POC1A: variants seen among roughly 807,000 people sequenced by gnomAD.
POC1A encodes the protein POC1 centriolar protein A, also known as POC1 centriolar protein homolog A.
POC1A carries 34 observed loss-of-function variants against 47.8 expected under a neutral mutation model. The ratio of observed to expected loss-of-function variants is 0.71; its 90% CI spans 0.54 to 0.95. The LOEUF is 0.95. Ranked by LOEUF, POC1A falls within the 40% of genes least tolerant of loss-of-function variation. The pLI is 0.00. For synonymous variants in POC1A, 177 were observed against 207.6 expected (o/e 0.85, Z 1.27); for missense variants, 466 against 528.3 (o/e 0.88, Z 1.16).
intron 10 of POC1A, among the ~76,000 whole-genome samples, chr3:52,088,681 C>T (rs1017684919): frequency 6.6e-6 from 1 of 152,058 alleles, no homozygotes; most frequent in East Asian, 1.9e-4. Context: ...TTTCTTGTGG[C>T]CTGTGTTTGG....
chr3:52,091,567 G>A (rs1200717715), intron 10 of POC1A, among the ~76,000 whole-genome samples: 2 of 152,094 alleles, frequency 1.3e-5, no homozygotes, highest in Non-Finnish European at 2.9e-5. Context: ...CACCTCCTGT[G>A]CCCTCCTCCT....
At chr3:52,143,783 G>A (rs1262469539) in intron 6 of POC1A, among the ~76,000 whole-genome samples, 3 of 152,164 alleles carry the variant, frequency 2.0e-5, no homozygotes, top group Admixed American at 6.5e-5. Flanking sequence ...TCTGGACACC[G>A]CTATCCTCTC....
At chr3:52,116,635 C>T (rs1018747056) in intron 9 of POC1A, among the ~76,000 whole-genome samples, 43 of 152,148 alleles carry the variant, frequency 2.8e-4, no homozygotes, top group Non-Finnish European at 4.7e-4. Context: ...GAGGGGTCAA[C>T]GTGGAAAATT....
chr3:52,137,119 G>A (rs949711441), intron 7 of POC1A, among the ~76,000 whole-genome samples: 6 of 152,276 alleles, frequency 3.9e-5, no homozygotes, highest in Middle Eastern at 6.8e-3. Flanking sequence ...GGCCCAGGGA[G>A]AACAGGCCCA....
intron 10 of POC1A, among the ~76,000 whole-genome samples, chr3:52,089,970 G>GC (rs1028552271): frequency 1.4e-5 from 2 of 139,452 alleles, no homozygotes; most frequent in Non-Finnish European, 3.0e-5. Context: ...TGGGGGTGGG[G>GC]GTGGGGGAGC....
At chr3:52,076,874 C>A (rs1702130889) in intron 10 of POC1A, among the ~76,000 whole-genome samples, 1 of 152,274 alleles carries the variant, frequency 6.6e-6, no homozygotes. Flanking sequence ...GCTGGAGCTG[C>A]ATGTGCTTCA....
At chr3:52,141,452 G>A (rs1470062725) in intron 6 of POC1A, among the ~76,000 whole-genome samples, 1 of 152,260 alleles carries the variant, frequency 6.6e-6, no homozygotes, top group Non-Finnish European at 1.5e-5. Flanking sequence ...GATGTTACTA[G>A]TGACACGGTG....
intron 6 of POC1A, among the ~76,000 whole-genome samples, chr3:52,140,254 T>C (rs1159118276): frequency 2.0e-5 from 3 of 152,122 alleles, no homozygotes; most frequent in Non-Finnish European, 4.4e-5. Flanking sequence ...CGTAACATGA[T>C]ATTTATATCT....
intron 9 of POC1A, among the ~76,000 whole-genome samples, chr3:52,107,976 C>T (rs935531457): frequency 3.9e-5 from 6 of 152,192 alleles, no homozygotes; most frequent in African/African-American, 1.4e-4. Context: ...AGCCTCCTCC[C>T]ATCTGTGTCA....
At chr3:52,125,586 C>G (rs1703966479) in intron 7 of POC1A, among the ~76,000 whole-genome samples, 1 of 152,116 alleles carries the variant, frequency 6.6e-6, no homozygotes, top group Non-Finnish European at 1.5e-5. Flanking sequence ...CCCAGACCAA[C>G]CCTAACACCC....
intron 10 of POC1A, among the ~76,000 whole-genome samples, chr3:52,086,090 G>T (rs1702448980): frequency 6.6e-6 from 1 of 152,168 alleles, no homozygotes; most frequent in African/African-American, 2.4e-5. Context: ...CCGGGTTGTG[G>T]TTGATGTGGG....
intron 10 of POC1A, 43 bp downstream of exon 10, chr3:52,096,526 G>A: frequency 1.3e-6 from 2 of 1,490,238 alleles, no homozygotes; most frequent in Non-Finnish European, 1.8e-6. Context: ...GCGGGACCAA[G>A]TGCAGATGAC....
chr3:52,115,463 T>C (rs1273412826), intron 9 of POC1A, among the ~76,000 whole-genome samples: 1 of 152,150 alleles, frequency 6.6e-6, no homozygotes, highest in Non-Finnish European at 1.5e-5. Context: ...TGCCAAACCA[T>C]AAATCTGTGT....
At chr3:52,098,690 T>C (rs539849272) in intron 9 of POC1A, among the ~76,000 whole-genome samples, 2 of 152,280 alleles carry the variant, frequency 1.3e-5, no homozygotes, top group South Asian at 2.1e-4. Context: ...CCTCAAACTC[T>C]AGTGCTGCCC....
intron 10 of POC1A, among the ~76,000 whole-genome samples, chr3:52,082,519 C>A (rs553412661): frequency 6.6e-6 from 1 of 152,214 alleles, no homozygotes; most frequent in South Asian, 2.1e-4. Context: ...CAAGGAAAAT[C>A]CCCCCAGGAG....
chr3:52,076,068 G>A, intron 10 of POC1A, 83 bp from the exon 11 acceptor site: 2 of 1,032,534 alleles, frequency 1.9e-6, no homozygotes, highest in Non-Finnish European at 1.5e-6. Flanking sequence ...TCCCCACTTG[G>A]CTGCCTCAGC....
At chr3:52,132,622 A>AGGCAGAGGGCCCTTTATCC (rs1704260843) in intron 7 of POC1A, among the ~76,000 whole-genome samples, 1 of 152,026 alleles carries the variant, frequency 6.6e-6, no homozygotes, top group Non-Finnish European at 1.5e-5. Context: ...GCCCTTTATC[A>AGGCAGAGGGCCCTTTATCC]CCCAGAGTCC....
At chr3:52,080,913 C>G (rs1702259451) in intron 10 of POC1A, among the ~76,000 whole-genome samples, 1 of 152,248 alleles carries the variant, frequency 6.6e-6, no homozygotes, top group East Asian at 1.9e-4. Flanking sequence ...TCACTCCTCA[C>G]CCGATACTGT....
chr3:52,123,732 TC>T (rs760061389), intron 8 of POC1A, among the ~76,000 whole-genome samples: 1 of 152,220 alleles, frequency 6.6e-6, no homozygotes, highest in Non-Finnish European at 1.5e-5. Context: ...CCAATGTCAC[TC>T]TGAAAAAGCT....
Sources: gnomAD v4.1 joint callset for allele counts (sites outside exome capture counted in the v4.1 genomes callset) on GRCh38, gnomAD v4.1.1 for gene constraint, MANE v1.5 for transcripts, NCBI Gene and HGNC (gene_info 2026-07-23, HGNC 2026-07-21) for gene names.